PKHD1L1: variants seen among roughly 807,000 people sequenced by gnomAD.
The protein encoded by PKHD1L1 is fibrocystin-L.
A neutral mutation model predicts 462.9 loss-of-function variants in PKHD1L1; 434 were observed. That is an observed-to-expected ratio of 0.94 (90% CI 0.87 to 1.02). The LOEUF (loss-of-function observed/expected upper bound fraction) is 1.02. PKHD1L1 is among the 50% of genes least tolerant of loss of function. PKHD1L1 has a pLI of 0.00. For synonymous variants in PKHD1L1, 1,781 were observed against 1,750.0 expected (o/e 1.02, Z -0.44); for missense variants, 5,202 against 5,096.1 (o/e 1.02, Z -0.63).
intron 47 of PKHD1L1, 21 bp downstream of exon 47, chr8:109,459,857 G>T: frequency 6.3e-7 from 1 of 1,598,696 alleles, no homozygotes; most frequent in South Asian, 1.1e-5. Context: ...CAGCTCTCGT[G>T]GTTGGTATAA....
At chr8:109,487,944 A>AAGGAAGGAAG (rs1563600685) in intron 59 of PKHD1L1, among the ~76,000 whole-genome samples, 24 of 36,826 alleles carry the variant, frequency 6.5e-4, no homozygotes, top group Non-Finnish European at 1.1e-3. Context: ...AAGGAAGGAA[A>AAGGAAGGAAG]GAAGGAAGGA....
At chr8:109,518,890 G>A (rs1324229041) in intron 73 of PKHD1L1, among the ~76,000 whole-genome samples, 1 of 152,084 alleles carries the variant, frequency 6.6e-6, no homozygotes, top group African/African-American at 2.4e-5. Context: ...TGAGAGTTTG[G>A]TGCATTTGAA....
chr8:109,392,462 T>C (rs981299621), intron 9 of PKHD1L1, among the ~76,000 whole-genome samples: 2 of 152,182 alleles, frequency 1.3e-5, no homozygotes, highest in African/African-American at 4.8e-5. Context: ...CATTAAATTG[T>C]TGATTCTGTG....
At chr8:109,458,129 T>C (rs9643050) in intron 46 of PKHD1L1, among the ~76,000 whole-genome samples, 10,799 of 152,218 alleles carry the variant, frequency 0.071, 546 homozygotes, top group Admixed American at 0.18. Flanking sequence ...ATTTCTTCTA[T>C]TTTATCCTTA....
chr8:109,408,093 G>A lies in PKHD1L1; in HGVS notation c.1858G>A (p.Val620Ile). ...LGYEVVEGNN[V>I]TLDITEQTKG... Reference sequence around the variant, plus strand: ...TTATGAAGTAGTTGAAGGGAATAATGTCACACTGGATATTACAGAACAAAC... The same window carrying A: ...TTATGAAGTAGTTGAAGGGAATAATATCACACTGGATATTACAGAACAAAC... The change falls in exon 18 of 78, where the codon GTC becomes ATC. Residue 620 changes from valine to isoleucine, a missense_variant. By Grantham distance (29) the Val-to-Ile change is conservative. Coordinates refer to ENST00000378402, the MANE Select transcript of PKHD1L1 (RefSeq NM_177531.6). The A allele has an allele frequency of 6.2e-7, 1 of 1,612,720 alleles. No homozygotes were observed. Among genetic ancestry groups the A allele is most frequent in the Non-Finnish European group, 8.5e-7 (1 of 1,179,170 alleles).
chr8:109,457,182 G>A (rs185329828), intron 46 of PKHD1L1, among the ~76,000 whole-genome samples: 42 of 152,236 alleles, frequency 2.8e-4, no homozygotes, highest in Admixed American at 1.4e-3. Context: ...GCTAAATTGT[G>A]TTAAGGCCAT....
At chr8:109,466,532 T>A (rs185672062) in intron 49 of PKHD1L1, 46 bp from the exon 50 acceptor site, 164 of 1,501,784 alleles carry the variant, frequency 1.1e-4, no homozygotes, top group Non-Finnish European at 3.2e-5. Context: ...TTTTTTATGT[T>A]TCTTAATGTG....
chr8:109,386,678 A>T (rs1362229969), intron 6 of PKHD1L1, among the ~76,000 whole-genome samples: 4 of 152,192 alleles, frequency 2.6e-5, no homozygotes, highest in Non-Finnish European at 4.4e-5. Flanking sequence ...TTAACATTTT[A>T]TATGTACAGA....
At chr8:109,505,675 G>A (rs1819650992) in intron 68 of PKHD1L1, among the ~76,000 whole-genome samples, 1 of 152,162 alleles carries the variant, frequency 6.6e-6, no homozygotes, top group African/African-American at 2.4e-5. Flanking sequence ...GAGGCAGGAG[G>A]ATTGCTTGAG....
intron 14 of PKHD1L1, among the ~76,000 whole-genome samples, chr8:109,401,918 C>A (rs1446543067): frequency 6.6e-6 from 1 of 152,144 alleles, no homozygotes; most frequent in Non-Finnish European, 1.5e-5. Flanking sequence ...CAGCTGAGCT[C>A]TTCAGTATTG....
rs1821077535 is a variant in PKHD1L1, at chr8:109,533,156, G to C, written c.*3066G>C. ...CAAGCATGGGCAAGTGCTTCATTGGGAAGAGTTTTTAATCCAAATTCCTGT... is the reference window on the plus strand; with the variant it reads ...CAAGCATGGGCAAGTGCTTCATTGGCAAGAGTTTTTAATCCAAATTCCTGT... On this transcript the variant is annotated 3_prime_UTR_variant, in exon 78 of 78. Coordinates refer to ENST00000378402, the MANE Select transcript of PKHD1L1 (RefSeq NM_177531.6). 6.6e-6 allele frequency among the ~76,000 whole-genome samples: 1 copy of C among 152,208 alleles called. No homozygotes were observed. Among genetic ancestry groups the C allele is most frequent in the Non-Finnish European group, 1.5e-5 (1 of 68,044 alleles).
Position 109,448,258 on chromosome 8 carries a change from G to A in PKHD1L1, c.5892G>A (p.Val1964=). ...ATGTAACCATGGCCAATGATAGTGT[G>A]GTGCAGTGCATCGTGGGAGATCATG... ...QCNVTMANDS[V]VQCIVGDHAG... is the part of the protein sequence containing the mutation. The change falls in exon 39 of 78, where the codon GTG becomes GTA. Residue 1964 remains valine, a synonymous_variant. Transcript: ENST00000378402. The A allele has an allele frequency of 6.2e-7, 1 of 1,613,462 alleles. No homozygotes were observed. The highest frequency in any genetic ancestry group is 8.5e-7 in the Non-Finnish European group (1 of 1,179,740).
At chr8:109,378,259 T>C (rs1244940390) in intron 2 of PKHD1L1, among the ~76,000 whole-genome samples, 1 of 152,236 alleles carries the variant, frequency 6.6e-6, no homozygotes, top group African/African-American at 2.4e-5. Context: ...TCTTCACTCC[T>C]GCCCCTATTC....
At chr8:109,365,297 T>C (rs1811173772) in intron 2 of PKHD1L1, among the ~76,000 whole-genome samples, 1 of 152,180 alleles carries the variant, frequency 6.6e-6, no homozygotes, top group Non-Finnish European at 1.5e-5. Flanking sequence ...TTTTGAACAA[T>C]AAGAAACATT....
intron 35 of PKHD1L1, 129 bp from the exon 36 acceptor site, chr8:109,442,817 A>G (rs1815878904): frequency 1.2e-6 from 1 of 854,940 alleles, no homozygotes; most frequent in Non-Finnish European, 1.8e-6. Context: ...TTGACATTTC[A>G]TACACATGAA....
chr8:109,390,403 C>A (rs551035214), intron 8 of PKHD1L1, 49 bp from the exon 9 acceptor site: 2 of 1,108,478 alleles, frequency 1.8e-6, no homozygotes, highest in South Asian at 2.0e-5. Context: ...AGTTATTGTT[C>A]TTCTGTGACT....
Position 109,445,371 on chromosome 8 carries a change from A to G in PKHD1L1, c.5502A>G (p.Ala1834=). Residue 1834 remains alanine, a synonymous_variant, in exon 38 of 78, where the codon GCA becomes GCG. Transcript: ENST00000378402. The part of the protein sequence containing the change: ...GNLTVSSPPV[A]SLSPTSGSIG... ...TGACTGTCAGCAGCCCCCCAGTAGC[A>G]TCTCTATCACCAACTTCTGGAAGCA... 1.9e-6 allele frequency: 3 copies of G among 1,613,950 alleles called. No homozygotes were observed. The South Asian group carries it at 3.3e-5, about 18-fold the overall frequency.
chr8:109,439,523 GAGTT>G (rs1457281298), intron 32 of PKHD1L1, among the ~76,000 whole-genome samples: 1 of 152,062 alleles, frequency 6.6e-6, no homozygotes, highest in Admixed American at 6.6e-5. Context: ...AAAATACTGT[GAGTT>G]AGAGGTACCA....
chr8:109,432,985 T>C (rs569203453), intron 27 of PKHD1L1, 121 bp from the exon 28 acceptor site: 1 of 707,174 alleles, frequency 1.4e-6, no homozygotes, highest in East Asian at 2.7e-5. Flanking sequence ...GCTCTCCTGT[T>C]AGGCTTATTG....
Sources: allele counts gnomAD v4.1 joint callset (sites outside exome capture counted in the v4.1 genomes callset), GRCh38; gene constraint gnomAD v4.1.1; transcripts MANE v1.5; gene names NCBI Gene and HGNC (gene_info 2026-07-23, HGNC 2026-07-21).